Variants in SLC24A3 observed in about 807,000 individuals in gnomAD.
SLC24A3 encodes the protein sodium/potassium/calcium exchanger 3.
In SLC24A3, 28 loss-of-function variants were observed where a neutral mutation model predicts 75.8. The observed-to-expected ratio is 0.37, with a 90% CI of 0.27 to 0.51. SLC24A3 has a LOEUF of 0.51. Ranked by LOEUF, SLC24A3 falls within the 20% of genes least tolerant of loss-of-function variation. The pLI, the probability that SLC24A3 is intolerant of heterozygous loss-of-function variation, is 0.94. For synonymous variants in SLC24A3, 372 were observed against 334.1 expected (o/e 1.11, Z -1.24); for missense variants, 663 against 847.8 (o/e 0.78, Z 2.71).
In SLC24A3 at chr20:19,621,844, C is replaced by T. The variant is rs565305974; in HGVS notation, c.613-32218C>T. Among the ~76,000 whole-genome samples the T allele has an allele frequency of 3.3e-5, 5 of 152,314 alleles. No homozygotes were observed. The South Asian group carries it at 1.0e-3, about 32-fold the overall frequency. ...CCACCATTTCTCCTTAGAAATGCTCCTCTTAGCTGTTATGTTTGTGAAAGA... is the reference window on the plus strand; with the variant it reads ...CCACCATTTCTCCTTAGAAATGCTCTTCTTAGCTGTTATGTTTGTGAAAGA... On this transcript the variant is annotated intron_variant, in intron 6 of 16. Transcript: ENST00000328041.
chr20:19,374,317 C>T (rs1355742429), intron 2 of SLC24A3, among the ~76,000 whole-genome samples: 1 of 152,190 alleles, frequency 6.6e-6, no homozygotes, highest in Non-Finnish European at 1.5e-5. Context: ...CATGAGTAAC[C>T]ATAACCCTGT....
rs372463704 is a variant in SLC24A3 at position 19,406,181 on chromosome 20, G to GGTGTGTGTGT, written c.272-109289_272-109280dup. On this transcript the variant is annotated intron_variant, in intron 2 of 16. Coordinates refer to ENST00000328041, the MANE Select transcript of SLC24A3 (RefSeq NM_020689.4). Reference sequence around the variant, plus strand: ...TAGAACATTTAGTGCTTTTAAAGATGGTGTGTGTGTGTGTGTGTGTGTGTG... The same window carrying GGTGTGTGTGT: ...TAGAACATTTAGTGCTTTTAAAGATGGTGTGTGTGTGTGTGTGTGTGTGTGTGTGTGTGTG... Among the ~76,000 whole-genome samples the GGTGTGTGTGT allele has an allele frequency of 8.3e-5, 12 of 145,444 alleles. No homozygotes were observed. In the East Asian group the frequency reaches 1.8e-3, roughly 22 times the overall value.
Position 19,592,869 on chromosome 20 carries a change from C to G in SLC24A3, c.612+7325C>G, listed in dbSNP as rs550506852. The stretch of plus-strand genomic sequence containing the variant: ...GGAGTGCAGTGGCACGATCTTGGCT[C>G]ACTACAACCTCCACCTCCCAAGTTT... On this transcript the variant is annotated intron_variant, in intron 6 of 16. Transcript: ENST00000328041. Among the ~76,000 whole-genome samples, 7 of 143,680 alleles carry G rather than the reference C, an allele frequency of 4.9e-5. No individual in the cohort carries two copies. In the Admixed American group the frequency reaches 5.2e-4, roughly 11 times the overall value. 94.3% of individuals were successfully genotyped at this position (143,680 alleles called of 152,430 possible).
At position 19,592,789 on chromosome 20, in the gene SLC24A3, C is replaced by CTT. The variant is rs1319331356; in HGVS notation, c.612+7247_612+7248dup. 4.2e-3 allele frequency among the ~76,000 whole-genome samples: 256 copies of CTT among 60,692 alleles called. 1 individual carries two copies. Among genetic ancestry groups the CTT allele is most frequent in the African/African-American group, 0.011 (250 of 22,994 alleles). 39.8% of individuals were successfully genotyped at this position (60,692 alleles called of 152,430 possible). ...TACATCTTCGGCAAAAATTTTCTTT[C>CTT]TTTCTTTCTTTTTTTTTTTTTTTTG... On this transcript the variant is annotated intron_variant, in intron 6 of 16. Transcript: ENST00000328041.
chr20:19,346,260 T>C (rs1985417187), intron 2 of SLC24A3, among the ~76,000 whole-genome samples: 1 of 103,068 alleles, frequency 9.7e-6, no homozygotes, highest in African/African-American at 5.9e-5. Flanking sequence ...ATATATATGG[T>C]ATATATATAT....
chr20:19,247,215 C>G (rs1415146131), intron 1 of SLC24A3, among the ~76,000 whole-genome samples: 3 of 152,154 alleles, frequency 2.0e-5, no homozygotes, highest in Admixed American at 6.6e-5. Context: ...CCAGTAGGCT[C>G]TCTGATGGCT....
chr20:19,634,994 T>A (rs1032908861), intron 6 of SLC24A3, among the ~76,000 whole-genome samples: 32 of 152,240 alleles, frequency 2.1e-4, no homozygotes, highest in African/African-American at 6.0e-4. Flanking sequence ...TGACTACATT[T>A]TTCATATTTG....
At chr20:19,543,636 G>A (rs2030539192) in intron 3 of SLC24A3, among the ~76,000 whole-genome samples, 1 of 152,176 alleles carries the variant, frequency 6.6e-6, no homozygotes, top group African/African-American at 2.4e-5. Context: ...CCGGGTGGGA[G>A]GGAAGTCTTC....
At chr20:19,348,831 A>G (rs1438073394) in intron 2 of SLC24A3, among the ~76,000 whole-genome samples, 3 of 152,068 alleles carry the variant, frequency 2.0e-5, no homozygotes, top group Non-Finnish European at 4.4e-5. Context: ...CTGTTTCACA[A>G]TCCACTCTCC....
intron 2 of SLC24A3, among the ~76,000 whole-genome samples, chr20:19,292,050 G>T (rs993181704): frequency 6.6e-6 from 1 of 152,216 alleles, no homozygotes; most frequent in Admixed American, 6.5e-5. Context: ...AGTGATGGAT[G>T]TAGGGCCTGG....
intron 2 of SLC24A3, among the ~76,000 whole-genome samples, chr20:19,390,260 G>T (rs1327242005): frequency 1.3e-5 from 2 of 152,084 alleles, no homozygotes; most frequent in African/African-American, 4.8e-5. Context: ...TTTCTTTGTT[G>T]GTGTCATGTT....
chr20:19,238,303 G>A (rs894772852), intron 1 of SLC24A3, among the ~76,000 whole-genome samples: 1 of 152,150 alleles, frequency 6.6e-6, no homozygotes, highest in South Asian at 2.1e-4. Flanking sequence ...CATCCGTGTC[G>A]TCATGTCTAG....
chr20:19,642,794 G>T (rs2032091294), intron 6 of SLC24A3, among the ~76,000 whole-genome samples: 1 of 152,160 alleles, frequency 6.6e-6, no homozygotes, highest in Admixed American at 6.5e-5. Context: ...TTCTTTGTTG[G>T]CTGGTTGACT....
intron 2 of SLC24A3, among the ~76,000 whole-genome samples, chr20:19,342,751 G>A (rs192734621): frequency 1.3e-5 from 2 of 152,276 alleles, no homozygotes; most frequent in East Asian, 3.9e-4. Flanking sequence ...TCGAAGGTGG[G>A]TCTTTGATAG....
At chr20:19,349,205 A>C (rs1985508242) in intron 2 of SLC24A3, among the ~76,000 whole-genome samples, 2 of 152,196 alleles carry the variant, frequency 1.3e-5, no homozygotes, top group Admixed American at 6.5e-5. Context: ...GCATACTTGC[A>C]TTGACTCCAC....
chr20:19,561,171 C>A (rs1299862382), intron 3 of SLC24A3, among the ~76,000 whole-genome samples: 1 of 152,120 alleles, frequency 6.6e-6, no homozygotes, highest in Non-Finnish European at 1.5e-5. Flanking sequence ...AAGATATTTT[C>A]TTAAATGCAA....
chr20:19,305,460 G>A (rs1600420662), intron 2 of SLC24A3, among the ~76,000 whole-genome samples: 1 of 151,916 alleles, frequency 6.6e-6, no homozygotes, highest in Admixed American at 6.6e-5. Flanking sequence ...GGAGGGTAGA[G>A]GTGGGGTGCT....
intron 6 of SLC24A3, among the ~76,000 whole-genome samples, chr20:19,639,027 G>C (rs951515633): frequency 2.0e-5 from 3 of 152,138 alleles, no homozygotes; most frequent in African/African-American, 7.2e-5. Context: ...GCCACTGCTG[G>C]CTCCGGCAGC....
At chr20:19,224,817 T>A (rs1981831576) in intron 1 of SLC24A3, among the ~76,000 whole-genome samples, 1 of 152,176 alleles carries the variant, frequency 6.6e-6, no homozygotes, top group Admixed American at 6.5e-5. Flanking sequence ...GTAAATTCTT[T>A]AAAAAATGCC....
Sources: gnomAD v4.1 joint callset for allele counts (sites outside exome capture counted in the v4.1 genomes callset) on GRCh38, gnomAD v4.1.1 for gene constraint, MANE v1.5 for transcripts, NCBI Gene and HGNC (gene_info 2026-07-23, HGNC 2026-07-21) for gene names.